Variants in SCN7A observed in about 807,000 individuals in gnomAD.
SCN7A encodes sodium channel protein type 7 subunit alpha.
Under a neutral mutation model 155.2 loss-of-function variants are expected in SCN7A, and 138 were observed. The observed-to-expected ratio is 0.89, with a 90% confidence interval of 0.77 to 1.02. The LOEUF (loss-of-function observed/expected upper bound fraction) is 1.02, where lower values mean the gene tolerates loss of function less well. Ranked by LOEUF, SCN7A falls within the 50% of genes least tolerant of loss-of-function variation. SCN7A has a pLI of 0.00. For synonymous variants in SCN7A, 693 were observed against 649.0 expected, an observed-to-expected ratio of 1.07 and a Z score of -1.03; for missense variants, 2,058 against 1,986.6, an observed-to-expected ratio of 1.04 and a Z score of -0.68.
At chr2:166,407,536 T>C (rs1317131044) in intron 25 of SCN7A, among the ~76,000 whole-genome samples, 1 of 151,970 alleles carries the variant, frequency 6.6e-6, no homozygotes, top group East Asian at 1.9e-4. Flanking sequence ...TATTTCTCTC[T>C]GATGTTCTAT....
intron 23 of SCN7A, among the ~76,000 whole-genome samples, chr2:166,411,679 A>G (rs2105365918): frequency 6.6e-6 from 1 of 152,124 alleles, no homozygotes; most frequent in Non-Finnish European, 1.5e-5. Flanking sequence ...AGTCTTAGTC[A>G]TGGAAAAGGC....
intron 20 of SCN7A, among the ~76,000 whole-genome samples, chr2:166,418,327 T>A (rs1360761999): frequency 7.0e-6 from 1 of 142,698 alleles, no homozygotes; most frequent in Non-Finnish European, 1.5e-5. Flanking sequence ...AGACGGGGTT[T>A]CACCATGTTG....
intron 15 of SCN7A, among the ~76,000 whole-genome samples, chr2:166,437,043 G>A (rs908342000): frequency 6.6e-5 from 10 of 152,204 alleles, no homozygotes; most frequent in Admixed American, 3.9e-4. Flanking sequence ...AAGTAATGAG[G>A]AGCCAAATAT....
intron 15 of SCN7A, among the ~76,000 whole-genome samples, chr2:166,433,865 G>A (rs1404784866): frequency 6.6e-6 from 1 of 152,124 alleles, no homozygotes; most frequent in African/African-American, 2.4e-5. Flanking sequence ...ATGAGTGATG[G>A]AAGACTCATT....
At chr2:166,486,350 G>T (rs551140868) in intron 2 of SCN7A, among the ~76,000 whole-genome samples, 1 of 152,204 alleles carries the variant, frequency 6.6e-6, no homozygotes, top group Non-Finnish European at 1.5e-5. Flanking sequence ...TAAACCCCTA[G>T]CACCAAGTCT....
chr2:166,416,564 T>A, intron 21 of SCN7A, 143 bp downstream of exon 21: 1 of 708,100 alleles, frequency 1.4e-6, no homozygotes, highest in South Asian at 2.1e-5. Context: ...CCCCCGATAG[T>A]TGTATGTCCC....
At position 166,456,823 on chromosome 2, in the gene SCN7A, T is replaced by TAG. The variant is rs756534903; in HGVS notation, c.1290+46_1290+47insCT. The TAG allele has an allele frequency of 9.9e-3, 6,220 of 630,192 alleles. 87 individuals carry two copies. Among genetic ancestry groups the TAG allele is most frequent in the East Asian group, 0.058 (1,413 of 24,264 alleles). 39.0% of individuals were successfully genotyped at this position (630,192 alleles called of 1,614,324 possible). ...ACTAAAATATATATATATATATATA[T>TAG]ATATATAGATAGATAGATAGATAGA... On this transcript the variant is annotated intron_variant, in intron 11 of 25. Transcript: ENST00000643258.
At chr2:166,413,014 A>T (rs1021869948) in intron 22 of SCN7A, 54 bp downstream of exon 22, 7 of 1,302,220 alleles carry the variant, frequency 5.4e-6, no homozygotes, top group Non-Finnish European at 7.5e-6. Flanking sequence ...CTCGAATTGC[A>T]AAAATGACTT....
intron 23 of SCN7A, among the ~76,000 whole-genome samples, chr2:166,412,285 T>C (rs1701218498): frequency 6.6e-6 from 1 of 152,156 alleles, no homozygotes; most frequent in African/African-American, 2.4e-5. Context: ...AAAACACTTG[T>C]AATTTTTACA....
chr2:166,404,247 GAAGT>G lies in SCN7A; in HGVS notation c.*1329_*1332del, dbSNP rs1178148806. 2 of 151,854 alleles carry G rather than the reference GAAGT, an allele frequency of 1.3e-5. No homozygotes were observed. The highest frequency in any genetic ancestry group is 2.9e-5 in the Non-Finnish European group (2 of 67,900). The allele number at this position is 151,854 out of a possible 1,614,324, so 9.4% of individuals were successfully genotyped here. ...AACTCTCAGAATCTCAAACTACATA[GAAGT>G]AAATGACTATATTTGTATGAATAAG... On this transcript the variant is annotated 3_prime_UTR_variant, in exon 26 of 26. Coordinates refer to ENST00000643258, the MANE Select transcript of SCN7A (RefSeq NM_002976.4).
intron 21 of SCN7A, among the ~76,000 whole-genome samples, chr2:166,414,009 A>ATATATAT (rs1701266401): frequency 1.5e-4 from 8 of 54,434 alleles, no homozygotes; most frequent in Admixed American, 5.0e-4. Context: ...ATATAAATAT[A>ATATATAT]CTATATATAT....
chr2:166,437,620 C>A (rs1000044397), intron 15 of SCN7A, among the ~76,000 whole-genome samples: 2 of 152,184 alleles, frequency 1.3e-5, no homozygotes, highest in Non-Finnish European at 2.9e-5. Flanking sequence ...TAACACCGGC[C>A]TGTGAAGGCA....
chr2:166,491,813 G>A (rs1274496247), intron 1 of SCN7A, among the ~76,000 whole-genome samples: 1 of 152,054 alleles, frequency 6.6e-6, no homozygotes, highest in Non-Finnish European at 1.5e-5. Context: ...AATGGTTAGT[G>A]GAAATAATGG....
intron 10 of SCN7A, among the ~76,000 whole-genome samples, chr2:166,459,189 C>T (rs1045348702): frequency 2.0e-5 from 3 of 152,120 alleles, no homozygotes; most frequent in African/African-American, 7.2e-5. Context: ...CAAGATCTCA[C>T]AGCCTATGAA....
chr2:166,453,996 A>T (rs1702227688), intron 11 of SCN7A, among the ~76,000 whole-genome samples: 1 of 152,210 alleles, frequency 6.6e-6, no homozygotes, highest in Admixed American at 6.5e-5. Context: ...GGTTATAATT[A>T]AACATTTTAA....
intron 15 of SCN7A, among the ~76,000 whole-genome samples, chr2:166,435,030 C>T (rs1199787288): frequency 6.6e-6 from 1 of 152,022 alleles, no homozygotes; most frequent in Admixed American, 6.6e-5. Context: ...ATATCTTAGA[C>T]ATACATGCAC....
chr2:166,474,781 A>T (rs1194087903), intron 3 of SCN7A, among the ~76,000 whole-genome samples: 1 of 151,734 alleles, frequency 6.6e-6, no homozygotes, highest in East Asian at 1.9e-4. Flanking sequence ...AGCAAAGAAG[A>T]TCCAATGAAT....
At position 166,474,222 on chromosome 2, in the gene SCN7A, A is replaced by C; in HGVS notation, c.353+4T>G. On this transcript the variant is annotated splice_donor_region_variant and intron_variant, in intron 4 of 25. Transcript: ENST00000643258. ...AAAGTCAACAAGTCAACAGAAAAGG[A>C]TATGGATGTACCAAAACCTTGATAG... 1.5e-6 allele frequency: 2 copies of C among 1,367,230 alleles called. No individual in the cohort carries two copies. The highest frequency in any genetic ancestry group is 2.0e-6 in the Non-Finnish European group (2 of 999,822). The allele number at this position is 1,367,230 out of a possible 1,614,324, so 84.7% of individuals were successfully genotyped here.
At chr2:166,444,733 A>G in intron 13 of SCN7A, 29 bp downstream of exon 13, 1 of 1,268,262 alleles carries the variant, frequency 7.9e-7, no homozygotes, top group Non-Finnish European at 1.1e-6. Context: ...GAAACTGCAA[A>G]TGAAAATAAT....
Sources: allele counts gnomAD v4.1 joint callset (sites outside exome capture counted in the v4.1 genomes callset), GRCh38; gene constraint gnomAD v4.1.1; transcripts MANE v1.5; gene names NCBI Gene and HGNC (gene_info 2026-07-23, HGNC 2026-07-21).